The following TMEM51 variants were observed in gnomAD, a reference collection of about 807,000 sequenced individuals.
TMEM51 encodes the protein transmembrane protein 51.
Under a neutral mutation model 13.6 loss-of-function variants are expected in TMEM51, and 8 were observed. The observed-to-expected ratio is 0.59, with a 90% CI of 0.35 to 1.07. TMEM51 has a LOEUF of 1.07. Among genes scored for constraint, TMEM51 ranks in the 50% least tolerant of loss-of-function variants. The pLI is 0.02. For missense variants in TMEM51, 279 were observed against 330.7 expected (o/e 0.84, Z 1.21); for synonymous variants, 147 against 144.4 (o/e 1.02, Z -0.13).
chr1:15,206,228 C>CAA (rs71000380), intron 1 of TMEM51, among the ~76,000 whole-genome samples: 1 of 94,224 alleles, frequency 1.1e-5, no homozygotes, highest in Non-Finnish European at 2.2e-5. Context: ...GAGACCCTGT[C>CAA]AAAAAAAAAA....
chr1:15,214,028 T>C (rs1325528477), intron 2 of TMEM51, among the ~76,000 whole-genome samples: 1 of 149,816 alleles, frequency 6.7e-6, no homozygotes, highest in Non-Finnish European at 1.5e-5. Context: ...TTTTTTTGTA[T>C]TTTTAGTAGA....
At chr1:15,211,902 A>G (rs183189371) in intron 2 of TMEM51, among the ~76,000 whole-genome samples, 1 of 146,618 alleles carries the variant, frequency 6.8e-6, no homozygotes, top group African/African-American at 2.5e-5. Flanking sequence ...TGTAAGTACA[A>G]TCATCCAGGC....
intron 1 of TMEM51, among the ~76,000 whole-genome samples, chr1:15,163,453 C>G (rs1467481631): frequency 1.3e-5 from 2 of 151,850 alleles, no homozygotes; most frequent in African/African-American, 4.9e-5. Flanking sequence ...TACTTTCCAC[C>G]CCCACCTACC....
intron 2 of TMEM51, among the ~76,000 whole-genome samples, chr1:15,214,489 C>A (rs932462135): frequency 6.6e-6 from 1 of 152,160 alleles, no homozygotes; most frequent in Non-Finnish European, 1.5e-5. Flanking sequence ...TTGGCTGAGG[C>A]CCTGTCCCCC....
chr1:15,178,839 C>T (rs964480103), intron 1 of TMEM51, among the ~76,000 whole-genome samples: 1 of 152,174 alleles, frequency 6.6e-6, no homozygotes, highest in African/African-American at 2.4e-5. Context: ...GAGAATGGTG[C>T]GATTTAGCAG....
chr1:15,194,917 C>CTTTTTT (rs34885407), intron 1 of TMEM51, among the ~76,000 whole-genome samples: 2 of 93,484 alleles, frequency 2.1e-5, no homozygotes, highest in African/African-American at 4.1e-5. Context: ...TATAATTTTA[C>CTTTTTT]TTTTTTTTTT....
In TMEM51 at chr1:15,214,894, G is replaced by GGCCCTTCCAC; in HGVS notation, c.-193_-184dup. On this transcript the variant is annotated splice_region_variant and 5_prime_UTR_variant. Coordinates refer to ENST00000376008, the MANE Select transcript of TMEM51 (RefSeq NM_001136218.2). Reference sequence around the variant, plus strand: ...CTCTGCTCTTTCTGCTTTCCTTCCAGGCCCTTCCACCGCAGCCATCCGCAC... The same window carrying GGCCCTTCCAC: ...CTCTGCTCTTTCTGCTTTCCTTCCAGGCCCTTCCACGCCCTTCCACCGCAGCCATCCGCAC... 1 of 592,606 alleles carries GGCCCTTCCAC rather than the reference G, an allele frequency of 1.7e-6. No homozygotes were observed. The highest frequency in any genetic ancestry group is 3.0e-6 in the Non-Finnish European group (1 of 337,498). The allele number at this position is 592,606 out of a possible 1,614,324, so 36.7% of individuals were successfully genotyped here.
intron 1 of TMEM51, among the ~76,000 whole-genome samples, chr1:15,183,962 A>G (rs1643693608): frequency 1.3e-5 from 2 of 152,152 alleles, no homozygotes; most frequent in Non-Finnish European, 1.5e-5. Context: ...GCAAGATCCA[A>G]CTCAGCAGGT....
intron 1 of TMEM51, among the ~76,000 whole-genome samples, chr1:15,202,603 T>A (rs1003890964): frequency 6.6e-6 from 1 of 152,116 alleles, no homozygotes; most frequent in Non-Finnish European, 1.5e-5. Flanking sequence ...CACATCCTCC[T>A]GCTTCCATGA....
At chr1:15,159,110 A>T (rs1573366809) in intron 1 of TMEM51, among the ~76,000 whole-genome samples, 1 of 152,218 alleles carries the variant, frequency 6.6e-6, no homozygotes, top group South Asian at 2.1e-4. Context: ...TGGTGGAGGC[A>T]GGGCCGACAG....
chr1:15,185,904 C>G (rs75584077), intron 1 of TMEM51, among the ~76,000 whole-genome samples: 2 of 152,328 alleles, frequency 1.3e-5, no homozygotes, highest in African/African-American at 4.8e-5. Context: ...TCCTTTTAAA[C>G]GTCCACAGAG....
intron 1 of TMEM51, among the ~76,000 whole-genome samples, chr1:15,174,161 G>A (rs1032331457): frequency 3.3e-5 from 5 of 152,248 alleles, no homozygotes; most frequent in Non-Finnish European, 5.9e-5. Flanking sequence ...GCTGAGACAG[G>A]TGAGCATTGG....
At chr1:15,193,603 G>C (rs375275316) in intron 1 of TMEM51, among the ~76,000 whole-genome samples, 2 of 106,834 alleles carry the variant, frequency 1.9e-5, no homozygotes, top group Non-Finnish European at 3.5e-5. Context: ...TTTGAGACAG[G>C]GTCTCACTCT....
chr1:15,156,367 G>GAGGGGT (rs1642593175), intron 1 of TMEM51, among the ~76,000 whole-genome samples: 1 of 152,214 alleles, frequency 6.6e-6, no homozygotes, highest in Non-Finnish European at 1.5e-5. Flanking sequence ...AGGCCTGGCT[G>GAGGGGT]TAAACCCCTC....
chr1:15,208,131 A>C (rs533638384), intron 1 of TMEM51, among the ~76,000 whole-genome samples: 5 of 152,346 alleles, frequency 3.3e-5, no homozygotes, highest in Admixed American at 3.3e-4. Context: ...TGAGGGAGAC[A>C]GGGAGCCAAC....
chr1:15,199,244 T>C (rs953249245), intron 1 of TMEM51, among the ~76,000 whole-genome samples: 5 of 151,982 alleles, frequency 3.3e-5, no homozygotes, highest in Admixed American at 6.6e-5. Flanking sequence ...GCAATTCTCC[T>C]GCCTCAGCCT....
intron 3 of TMEM51, among the ~76,000 whole-genome samples, chr1:15,216,069 A>G (rs1337928119): frequency 6.6e-6 from 1 of 152,034 alleles, no homozygotes; most frequent in Non-Finnish European, 1.5e-5. Flanking sequence ...TGTCTTTTGC[A>G]GCAACTTGGA....
chr1:15,176,396 G>T (rs756697930), intron 1 of TMEM51, among the ~76,000 whole-genome samples: 1 of 152,196 alleles, frequency 6.6e-6, no homozygotes, highest in African/African-American at 2.4e-5. Context: ...GGTAGCAATT[G>T]GCTGATACAA....
intron 1 of TMEM51, among the ~76,000 whole-genome samples, chr1:15,172,827 C>T (rs976024199): frequency 3.9e-5 from 6 of 152,342 alleles, no homozygotes; most frequent in African/African-American, 1.4e-4. Flanking sequence ...CTGCTCCAGA[C>T]GTGAATCGTC....
Sources: allele counts gnomAD v4.1 joint callset (sites outside exome capture counted in the v4.1 genomes callset), GRCh38; gene constraint gnomAD v4.1.1; transcripts MANE v1.5; gene names NCBI Gene and HGNC (gene_info 2026-07-23, HGNC 2026-07-21).